UNC13C: variants seen among roughly 807,000 people sequenced by gnomAD.
The protein encoded by UNC13C is protein unc-13 homolog C.
In UNC13C, 174 loss-of-function variants were observed where a neutral mutation model predicts 245.4. The ratio of observed to expected loss-of-function variants is 0.71; its 90% CI spans 0.63 to 0.80. The LOEUF (loss-of-function observed/expected upper bound fraction) is 0.80. UNC13C is among the 30% of genes least tolerant of loss of function. The pLI is 0.00. For synonymous variants in UNC13C, 992 were observed against 895.1 expected (o/e 1.11, Z -1.93); for missense variants, 2,829 against 2,602.9 (o/e 1.09, Z -1.89).
chr15:54,565,089 C>G (rs1897453833), intron 29 of UNC13C, among the ~76,000 whole-genome samples: 1 of 151,906 alleles, frequency 6.6e-6, no homozygotes, highest in Non-Finnish European at 1.5e-5. Flanking sequence ...CTCATAACCA[C>G]CAAAGATGTC....
chr15:54,381,112 A>G (rs968833830), intron 17 of UNC13C, among the ~76,000 whole-genome samples: 4 of 152,116 alleles, frequency 2.6e-5, no homozygotes, highest in Non-Finnish European at 4.4e-5. Context: ...TGAAGTCTTT[A>G]AAGATTTTGA....
intron 4 of UNC13C, among the ~76,000 whole-genome samples, chr15:54,160,648 AG>A (rs1470394898): frequency 6.6e-6 from 1 of 152,236 alleles, no homozygotes; most frequent in Non-Finnish European, 1.5e-5. Flanking sequence ...GCTGTGGAAA[AG>A]CTTCCTAATT....
chr15:53,921,286 A>G, the UNC13C span, among the ~76,000 whole-genome samples: 1 of 152,202 alleles, frequency 6.6e-6, no homozygotes, highest in East Asian at 1.9e-4. Context: ...GTTCTAATAA[A>G]AAGGCCTTCA....
chr15:54,050,972 A>C, intron 2 of UNC13C: 1 of 504,070 alleles, frequency 2.0e-6, no homozygotes, highest in Non-Finnish European at 4.0e-6. Flanking sequence ...AGCTGGTACC[A>C]GTTACCAAGA....
intron 4 of UNC13C, among the ~76,000 whole-genome samples, chr15:54,226,422 C>T (rs953369450): frequency 6.6e-6 from 1 of 152,150 alleles, no homozygotes; most frequent in Non-Finnish European, 1.5e-5. Flanking sequence ...GCTGTAAATC[C>T]ATCTGATCCT....
chr15:53,969,684 CA>C, the UNC13C span, among the ~76,000 whole-genome samples: 17,584 of 95,820 alleles, frequency 0.18, 1,415 homozygotes, highest in African/African-American at 0.35. Flanking sequence ...GGTGCTGTCT[CA>C]AAAAAAAAAA....
intron 19 of UNC13C, among the ~76,000 whole-genome samples, chr15:54,493,553 T>C (rs1026590224): frequency 6.6e-6 from 1 of 152,138 alleles, no homozygotes; most frequent in Non-Finnish European, 1.5e-5. Context: ...CAGGGATGCC[T>C]TTAATTTGTT....
intron 1 of UNC13C, among the ~76,000 whole-genome samples, chr15:53,989,661 G>A (rs2140957843): frequency 6.6e-6 from 1 of 152,086 alleles, no homozygotes; most frequent in African/African-American, 2.4e-5. Flanking sequence ...ATTCTCCAGG[G>A]AACGAGCTTT....
the UNC13C span, among the ~76,000 whole-genome samples, chr15:53,852,588 G>A: frequency 6.6e-6 from 1 of 152,050 alleles, no homozygotes; most frequent in Non-Finnish European, 1.5e-5. Context: ...TCTGAAATCT[G>A]AGCTCTTTGA....
chr15:54,153,107 C>T (rs958123713), intron 4 of UNC13C, among the ~76,000 whole-genome samples: 4 of 152,078 alleles, frequency 2.6e-5, no homozygotes, highest in African/African-American at 9.7e-5. Flanking sequence ...AACAAGTTTG[C>T]TTAATCCATA....
At chr15:54,478,026 G>T (rs1454858914) in intron 19 of UNC13C, among the ~76,000 whole-genome samples, 1 of 151,374 alleles carries the variant, frequency 6.6e-6, no homozygotes, top group East Asian at 2.0e-4. Context: ...CTTATTCCTG[G>T]TTTAGTCTTG....
At chr15:54,327,128 A>C (rs2038318316) in intron 14 of UNC13C, among the ~76,000 whole-genome samples, 1 of 152,034 alleles carries the variant, frequency 6.6e-6, no homozygotes, top group South Asian at 2.1e-4. Flanking sequence ...GGAGGCAGTC[A>C]ATATTTTAAT....
chr15:53,978,790 T>C lies in UNC13C; in HGVS notation c.-394T>C, dbSNP rs1893804550. 6.6e-6 allele frequency among the ~76,000 whole-genome samples: 1 copy of C among 152,040 alleles called. No individual in the cohort carries two copies. Among genetic ancestry groups the C allele is most frequent in the Non-Finnish European group, 1.5e-5 (1 of 67,992 alleles). ...CAGCTTCCACTCCTGTTCTAACTAT[T>C]TGTGATTGAAAAAAGGAAACGAGAC... On this transcript the variant is annotated 5_prime_UTR_variant, in exon 1 of 33. Transcript: ENST00000260323.
chr15:53,854,213 C>T, the UNC13C span, among the ~76,000 whole-genome samples: 2 of 149,786 alleles, frequency 1.3e-5, no homozygotes, highest in African/African-American at 2.5e-5. Flanking sequence ...TTCTGCCTCC[C>T]GGATTCAAGT....
At chr15:54,621,582 G>A (rs190812660) in intron 30 of UNC13C, among the ~76,000 whole-genome samples, 1 of 152,226 alleles carries the variant, frequency 6.6e-6, no homozygotes, top group Admixed American at 6.5e-5. Flanking sequence ...TAGAGCATGT[G>A]CTTCAGTTTG....
At chr15:54,465,481 A>G (rs1033789030) in intron 19 of UNC13C, among the ~76,000 whole-genome samples, 4 of 152,110 alleles carry the variant, frequency 2.6e-5, no homozygotes, top group African/African-American at 9.7e-5. Context: ...GAAAGGAGCC[A>G]TTAGTATAAC....
At chr15:54,111,660 C>G (rs906692136) in intron 2 of UNC13C, among the ~76,000 whole-genome samples, 1 of 152,188 alleles carries the variant, frequency 6.6e-6, no homozygotes, top group Non-Finnish European at 1.5e-5. Flanking sequence ...GTTATTTGCT[C>G]TATACTCTGG....
rs1219184020 is a variant in UNC13C at position 54,244,395 on chromosome 15, G to A, written c.3229-5830G>A. On this transcript the variant is annotated intron_variant, in intron 7 of 32. Coordinates refer to ENST00000260323, the MANE Select transcript of UNC13C (RefSeq NM_001080534.3). ...CGTAGCCTTGTACTATAGTTCGAAGGTGGGTAAGGTGATGCCTACAACTTT... is the reference window on the plus strand; with the variant it reads ...CGTAGCCTTGTACTATAGTTCGAAGATGGGTAAGGTGATGCCTACAACTTT... Among the ~76,000 whole-genome samples, 11 of 152,126 alleles carry A rather than the reference G, an allele frequency of 7.2e-5. No individual in the cohort carries two copies. The East Asian group carries it at 2.1e-3, about 29-fold the overall frequency.
At chr15:54,203,168 C>G (rs2034576297) in intron 4 of UNC13C, among the ~76,000 whole-genome samples, 1 of 151,494 alleles carries the variant, frequency 6.6e-6, no homozygotes, top group African/African-American at 2.4e-5. Flanking sequence ...ATAAAAATAT[C>G]AAAAAATAAT....
Sources: gnomAD v4.1 joint callset for allele counts (sites outside exome capture counted in the v4.1 genomes callset) on GRCh38, gnomAD v4.1.1 for gene constraint, MANE v1.5 for transcripts, NCBI Gene and HGNC (gene_info 2026-07-23, HGNC 2026-07-21) for gene names.